The following PPP6C variants were observed in gnomAD, a reference collection of about 807,000 sequenced individuals.
PPP6C encodes serine/threonine-protein phosphatase 6 catalytic subunit.
PPP6C carries 11 observed loss-of-function variants against 39.8 expected under a neutral mutation model. The observed-to-expected ratio is 0.28, with a 90% CI of 0.17 to 0.46. PPP6C has a LOEUF of 0.46. Ranked by LOEUF, PPP6C falls within the 20% of genes least tolerant of loss-of-function variation. PPP6C has a pLI of 1.00. For missense variants in PPP6C, 211 were observed against 373.9 expected (o/e 0.56, Z 3.59); for synonymous variants, 129 against 130.3 (o/e 0.99, Z 0.07).
At chr9:125,186,682 C>A (rs901297019) in intron 1 of PPP6C, among the ~76,000 whole-genome samples, 9 of 151,246 alleles carry the variant, frequency 6.0e-5, no homozygotes, top group African/African-American at 1.5e-4. Context: ...CCCAGGAGGT[C>A]GAGGCTGCAA....
intron 6 of PPP6C, among the ~76,000 whole-genome samples, chr9:125,150,185 A>C (rs560974591): frequency 6.6e-6 from 1 of 152,212 alleles, no homozygotes; most frequent in African/African-American, 2.4e-5. Context: ...CTATGAAACA[A>C]AATTTTGTGT....
At chr9:125,173,849 C>G (rs1321321526) in intron 1 of PPP6C, among the ~76,000 whole-genome samples, 1 of 152,116 alleles carries the variant, frequency 6.6e-6, no homozygotes, top group Non-Finnish European at 1.5e-5. Context: ...CTCTCCTGAC[C>G]TCATGATCCA....
chr9:125,189,504 G>A, intron 1 of PPP6C, 140 bp downstream of exon 1: 8 of 1,473,820 alleles, frequency 5.4e-6, no homozygotes, highest in Non-Finnish European at 6.3e-6. Context: ...CGTGACGCCG[G>A]GTAGGACCGG....
chr9:125,188,805 T>A, intron 1 of PPP6C: 1 of 339,084 alleles, frequency 2.9e-6, no homozygotes, highest in Non-Finnish European at 4.9e-6. Flanking sequence ...ATAATAATAA[T>A]AATAATAATA....
At chr9:125,154,601 A>C (rs1836024269) in intron 4 of PPP6C, among the ~76,000 whole-genome samples, 1 of 152,240 alleles carries the variant, frequency 6.6e-6, no homozygotes, top group African/African-American at 2.4e-5. Context: ...TACTAATTTC[A>C]CACAACCTGA....
intron 1 of PPP6C, among the ~76,000 whole-genome samples, chr9:125,177,099 G>A (rs2131336670): frequency 6.6e-6 from 1 of 152,298 alleles, no homozygotes; most frequent in South Asian, 2.1e-4. Flanking sequence ...TCCCGGCCGG[G>A]CGCGGTGGCT....
At chr9:125,163,550 C>A (rs1376554711) in intron 2 of PPP6C, among the ~76,000 whole-genome samples, 1 of 152,118 alleles carries the variant, frequency 6.6e-6, no homozygotes, top group Non-Finnish European at 1.5e-5. Context: ...CCTGCCTCAG[C>A]CTCCCGAGTA....
intron 2 of PPP6C, among the ~76,000 whole-genome samples, chr9:125,169,536 G>C (rs1829096542): frequency 6.6e-6 from 1 of 152,010 alleles, no homozygotes; most frequent in Admixed American, 6.6e-5. Flanking sequence ...AATGTGTTAA[G>C]ACACTGCTTA....
intron 1 of PPP6C, among the ~76,000 whole-genome samples, chr9:125,176,565 A>G (rs554647550): frequency 1.3e-5 from 2 of 152,122 alleles, no homozygotes; most frequent in African/African-American, 2.4e-5. Context: ...GCTGAGGTGC[A>G]AGGATCGCTT....
intron 4 of PPP6C, among the ~76,000 whole-genome samples, chr9:125,155,899 C>G (rs192183178): frequency 1.0e-3 from 135 of 132,338 alleles, no homozygotes; most frequent in African/African-American, 3.7e-3. Context: ...AGCGAGACTC[C>G]GTCTCAAAAA....
chr9:125,149,637 G>C lies in PPP6C; in HGVS notation c.*36C>G. 7 of 1,603,888 alleles carry C rather than the reference G, an allele frequency of 4.4e-6. No homozygotes were observed. The highest frequency in any genetic ancestry group is 6.0e-6 in the Non-Finnish European group (7 of 1,173,132). On this transcript the variant is annotated 3_prime_UTR_variant, in exon 7 of 7. Transcript: ENST00000373547. ...ATACAAGAAAATTGGGGTAAGAAGA[G>C]GGCAGAAAAATGGGTCAGCAGGATG...
At chr9:125,188,823 A>G in intron 1 of PPP6C, 1 of 344,676 alleles carries the variant, frequency 2.9e-6, no homozygotes, top group Non-Finnish European at 4.7e-6. Flanking sequence ...ATAATAATTA[A>G]AAAGTTTTAA....
chr9:125,163,422 T>TA (rs1828933034), intron 2 of PPP6C, among the ~76,000 whole-genome samples: 1 of 152,064 alleles, frequency 6.6e-6, no homozygotes, highest in South Asian at 2.1e-4. Context: ...TGTTTACAGA[T>TA]ATGTTTTTTT....
At position 125,148,569 on chromosome 9, in the gene PPP6C, C is replaced by T. The variant is rs1179907145; in HGVS notation, c.*1104G>A. On this transcript the variant is annotated 3_prime_UTR_variant, in exon 7 of 7. Coordinates refer to ENST00000373547, the MANE Select transcript of PPP6C (RefSeq NM_002721.5). ...GATTACAGTTCACAAATACAAGAGT[C>T]CTAACTTTTCAACCTTTCCAGTTGC... The T allele has an allele frequency of 6.6e-6, 1 of 152,170 alleles. No homozygotes were observed. The highest frequency in any genetic ancestry group is 2.4e-5 in the African/African-American group (1 of 41,442). The allele number at this position is 152,170 out of a possible 1,614,324, so 9.4% of individuals were successfully genotyped here.
intron 6 of PPP6C, chr9:125,150,538 C>T (rs534836174): frequency 1.1e-4 from 54 of 485,304 alleles, no homozygotes; most frequent in East Asian, 8.7e-4. Flanking sequence ...TTGAAGATGG[C>T]GGAGTAGCAT....
At chr9:125,184,966 CAAA>C (rs34609209) in intron 1 of PPP6C, among the ~76,000 whole-genome samples, 2 of 70,058 alleles carry the variant, frequency 2.9e-5, no homozygotes, top group Non-Finnish European at 5.4e-5. Context: ...GATTCAGTCT[CAAA>C]AAAAAAAAAA....
intron 1 of PPP6C, among the ~76,000 whole-genome samples, chr9:125,179,203 G>GA (rs1829371289): frequency 1.6e-5 from 1 of 60,874 alleles, no homozygotes; most frequent in South Asian, 4.6e-4. Flanking sequence ...CAACAAGAGC[G>GA]AAACTCCATC....
intron 4 of PPP6C, among the ~76,000 whole-genome samples, chr9:125,156,046 C>G (rs1836063904): frequency 2.0e-5 from 3 of 151,668 alleles, no homozygotes; most frequent in African/African-American, 7.3e-5. Flanking sequence ...TTTCACTGAG[C>G]TAATATCATA....
intron 2 of PPP6C, among the ~76,000 whole-genome samples, chr9:125,165,491 T>A (rs1828991879): frequency 1.3e-5 from 2 of 152,158 alleles, no homozygotes; most frequent in African/African-American, 4.8e-5. Flanking sequence ...AATTGTTTAG[T>A]GAGAGGAGAA....
Sources: allele counts gnomAD v4.1 joint callset (sites outside exome capture counted in the v4.1 genomes callset), GRCh38; gene constraint gnomAD v4.1.1; transcripts MANE v1.5; gene names NCBI Gene and HGNC (gene_info 2026-07-23, HGNC 2026-07-21).